The following SLC2A9 variants were observed in gnomAD, a reference collection of about 807,000 sequenced individuals.
SLC2A9 encodes the protein solute carrier family 2 member 9.
A neutral mutation model predicts 50.6 loss-of-function variants in SLC2A9; 39 were observed. The observed-to-expected ratio is 0.77, with a 90% CI of 0.60 to 1.01. SLC2A9 has a LOEUF of 1.01. Among genes scored for constraint, SLC2A9 ranks in the 50% least tolerant of loss-of-function variants. The pLI, the probability that SLC2A9 is intolerant of heterozygous loss-of-function variation, is 0.00. For missense variants in SLC2A9, 686 were observed against 677.6 expected (o/e 1.01, Z -0.14); for synonymous variants, 324 against 276.9 (o/e 1.17, Z -1.69).
chr4:9,898,680 C>T (rs1189120038), intron 8 of SLC2A9, among the ~76,000 whole-genome samples: 2 of 152,210 alleles, frequency 1.3e-5, no homozygotes, highest in African/African-American at 2.4e-5. Context: ...ACATAATCCC[C>T]ATCCTTGCCT....
intron 2 of SLC2A9, among the ~76,000 whole-genome samples, chr4:10,011,102 G>T (rs944969842): frequency 5.3e-5 from 8 of 152,216 alleles, no homozygotes; most frequent in African/African-American, 1.9e-4. Flanking sequence ...TTTTGTCTTG[G>T]TTGGGCCCTT....
chr4:9,995,499 G>T (rs1758489542), intron 3 of SLC2A9, among the ~76,000 whole-genome samples: 1 of 152,188 alleles, frequency 6.6e-6, no homozygotes, highest in Non-Finnish European at 1.5e-5. Context: ...GGTCATTTCA[G>T]ATTGTGAAAT....
intron 10 of SLC2A9, chr4:9,879,670 A>T: frequency 1.0e-6 from 1 of 985,372 alleles, no homozygotes; most frequent in African/African-American, 1.7e-5. Flanking sequence ...TTACCGCTCC[A>T]TCTTGTTTGC....
chr4:9,782,964 T>G (rs1158293551), intron 3 of SLC2A9: 7 of 1,613,900 alleles, frequency 4.3e-6, no homozygotes, highest in Non-Finnish European at 5.9e-6. Flanking sequence ...TGGCTGCCCT[T>G]CTTCATCCTT....
At chr4:10,039,040 A>G (rs2109601639) in intron 1 of SLC2A9, among the ~76,000 whole-genome samples, 1 of 152,350 alleles carries the variant, frequency 6.6e-6, no homozygotes, top group Admixed American at 6.5e-5. Context: ...TGTTCCAGTA[A>G]AGCTTTATTT....
intron 7 of SLC2A9, among the ~76,000 whole-genome samples, chr4:9,909,638 AG>A (rs1194554149): frequency 2.5e-4 from 38 of 152,356 alleles, no homozygotes; most frequent in African/African-American, 7.7e-4. Flanking sequence ...ATGAGGTGTC[AG>A]GAACTGGGTG....
intron 9 of SLC2A9, 29 bp downstream of exon 9, chr4:9,890,581 C>T (rs2109781810): frequency 6.2e-7 from 1 of 1,605,036 alleles, no homozygotes; most frequent in Admixed American, 1.7e-5. Context: ...TGCTTATCTC[C>T]CTCAAATGTG....
chr4:9,871,509 C>G (rs1426643961), intron 10 of SLC2A9, among the ~76,000 whole-genome samples: 2 of 152,138 alleles, frequency 1.3e-5, no homozygotes, highest in African/African-American at 4.8e-5. Context: ...CTAGATGCAT[C>G]GCTCGCTCTA....
chr4:9,868,082 G>C (rs1025306163), intron 10 of SLC2A9, among the ~76,000 whole-genome samples: 3 of 152,224 alleles, frequency 2.0e-5, no homozygotes, highest in Non-Finnish European at 4.4e-5. Context: ...AGATCCCCAA[G>C]TGGTGGATTT....
intron 10 of SLC2A9, among the ~76,000 whole-genome samples, chr4:9,868,284 C>A (rs544641631): frequency 6.6e-6 from 1 of 152,236 alleles, no homozygotes; most frequent in Non-Finnish European, 1.5e-5. Flanking sequence ...ACCTCAGAGT[C>A]GCCTGGCAGT....
intron 7 of SLC2A9, 147 bp from the exon 8 acceptor site, chr4:9,908,492 T>C: frequency 2.3e-6 from 1 of 437,492 alleles, no homozygotes; most frequent in Middle Eastern, 4.4e-4. Flanking sequence ...TTCATTTTCA[T>C]CCCACCTTCT....
intron 2 of SLC2A9, among the ~76,000 whole-genome samples, chr4:10,015,911 A>G (rs1449578724): frequency 6.6e-6 from 1 of 152,210 alleles, no homozygotes; most frequent in Non-Finnish European, 1.5e-5. Flanking sequence ...TGAGCTGGCC[A>G]TCACAGTCTC....
chr4:10,006,786 G>A (rs1413151343), intron 2 of SLC2A9: 1 of 152,092 alleles, frequency 6.6e-6, no homozygotes. Context: ...CCTAAACTGT[G>A]CAAACAGTGT....
At chr4:9,871,890 G>C (rs1433844866) in intron 10 of SLC2A9, among the ~76,000 whole-genome samples, 1 of 152,210 alleles carries the variant, frequency 6.6e-6, no homozygotes, top group Non-Finnish European at 1.5e-5. Context: ...AGGATTGAAT[G>C]AGGTGAATTG....
rs571986049 is a variant in SLC2A9 at position 10,014,193 on chromosome 4, T to C, written c.249+4782A>G. On this transcript the variant is annotated intron_variant, in intron 2 of 11. Coordinates refer to ENST00000264784, the MANE Select transcript of SLC2A9 (RefSeq NM_020041.3). ...TTCTGGGGCTGCCTCACTCACCCGT[T>C]TCTAAGCCCACTGCAAGGAGAAGAG... Among the ~76,000 whole-genome samples, 44 of 152,172 alleles carry C rather than the reference T, an allele frequency of 2.9e-4. No individual in the cohort carries two copies. In the South Asian group the frequency reaches 8.9e-3, roughly 31 times the overall value.
chr4:9,912,607 G>A (rs1471123644), intron 7 of SLC2A9, among the ~76,000 whole-genome samples: 2 of 152,220 alleles, frequency 1.3e-5, no homozygotes, highest in African/African-American at 4.8e-5. Flanking sequence ...AAAGCAGCAT[G>A]TCTAAGGATC....
At chr4:9,956,238 C>A (rs1309895189) in intron 5 of SLC2A9, among the ~76,000 whole-genome samples, 1 of 151,384 alleles carries the variant, frequency 6.6e-6, no homozygotes, top group Non-Finnish European at 1.5e-5. Flanking sequence ...AATCCCAGCA[C>A]TTTGGGAGGC....
chr4:9,994,421 G>A (rs1271116966), intron 3 of SLC2A9, among the ~76,000 whole-genome samples: 2 of 152,174 alleles, frequency 1.3e-5, no homozygotes, highest in Admixed American at 6.5e-5. Context: ...ATGATGAAAA[G>A]GAAACTGGCA....
intron 2 of SLC2A9, among the ~76,000 whole-genome samples, chr4:10,007,922 T>G (rs1481530212): frequency 6.6e-6 from 1 of 152,184 alleles, no homozygotes; most frequent in East Asian, 1.9e-4. Context: ...GTGTGTGAAG[T>G]CCCGAGCATG....
Sources: allele counts gnomAD v4.1 joint callset (sites outside exome capture counted in the v4.1 genomes callset), GRCh38; gene constraint gnomAD v4.1.1; transcripts MANE v1.5; gene names NCBI Gene and HGNC (gene_info 2026-07-23, HGNC 2026-07-21).